The following UNC5C variants were observed in gnomAD, a reference collection of about 807,000 sequenced individuals.
The protein encoded by UNC5C is unc-5 netrin receptor C, also known as netrin receptor UNC5C.
Under a neutral mutation model 99.8 loss-of-function variants are expected in UNC5C, and 47 were observed. The ratio of observed to expected loss-of-function variants is 0.47; its 90% CI spans 0.37 to 0.60. The LOEUF (loss-of-function observed/expected upper bound fraction) is 0.60. UNC5C is among the 20% of genes least tolerant of loss of function. UNC5C has a pLI of 0.00. For missense variants in UNC5C, 1,062 were observed against 1,165.9 expected (o/e 0.91, Z 1.30); for synonymous variants, 487 against 452.2 (o/e 1.08, Z -0.98).
chr4:95,417,179 T>C (rs1746187822), intron 1 of UNC5C, among the ~76,000 whole-genome samples: 1 of 152,176 alleles, frequency 6.6e-6, no homozygotes, highest in South Asian at 2.1e-4. Flanking sequence ...ATGAGTGCCG[T>C]CGGGATCTCT....
intron 1 of UNC5C, among the ~76,000 whole-genome samples, chr4:95,409,987 G>A (rs1364347446): frequency 6.6e-6 from 1 of 152,086 alleles, no homozygotes; most frequent in East Asian, 1.9e-4. Flanking sequence ...TCTCCCAGTG[G>A]GCTGATGGCT....
chr4:95,374,043 A>C (rs1446626476), intron 1 of UNC5C, among the ~76,000 whole-genome samples: 1 of 152,156 alleles, frequency 6.6e-6, no homozygotes, highest in African/African-American at 2.4e-5. Flanking sequence ...ATACCAACAA[A>C]AAACTCGGGG....
At chr4:95,243,379 C>T (rs887045021) in intron 6 of UNC5C, among the ~76,000 whole-genome samples, 3 of 152,128 alleles carry the variant, frequency 2.0e-5, no homozygotes, top group African/African-American at 4.8e-5. Context: ...TAAAAGCACA[C>T]AACTTAAGTC....
chr4:95,353,595 T>C (rs1260973391), intron 1 of UNC5C, among the ~76,000 whole-genome samples: 1 of 151,952 alleles, frequency 6.6e-6, no homozygotes, highest in Non-Finnish European at 1.5e-5. Context: ...TAGGCTAAGA[T>C]AGTGAAGGAG....
intron 1 of UNC5C, among the ~76,000 whole-genome samples, chr4:95,488,670 C>T (rs987380763): frequency 3.3e-5 from 5 of 151,698 alleles, no homozygotes; most frequent in African/African-American, 7.3e-5. Context: ...GTAGCACATG[C>T]CCCTTAGTGG....
At chr4:95,457,024 A>C (rs1747452143) in intron 1 of UNC5C, among the ~76,000 whole-genome samples, 1 of 152,136 alleles carries the variant, frequency 6.6e-6, no homozygotes, top group Non-Finnish European at 1.5e-5. Flanking sequence ...CTTATTAGAT[A>C]CTCTTAAGTG....
At chr4:95,513,560 G>A (rs1243693394) in intron 1 of UNC5C, among the ~76,000 whole-genome samples, 2 of 151,932 alleles carry the variant, frequency 1.3e-5, no homozygotes, top group African/African-American at 4.8e-5. Flanking sequence ...CAAAATTCAA[G>A]CTTAATATAT....
At chr4:95,298,743 G>C (rs1011729828) in intron 3 of UNC5C, among the ~76,000 whole-genome samples, 3 of 151,988 alleles carry the variant, frequency 2.0e-5, no homozygotes, top group Non-Finnish European at 4.4e-5. Flanking sequence ...GCTCCATGAG[G>C]GCAAGGATGG....
chr4:95,267,581 G>C (rs1452165683), intron 4 of UNC5C, among the ~76,000 whole-genome samples: 1 of 152,148 alleles, frequency 6.6e-6, no homozygotes, highest in Non-Finnish European at 1.5e-5. Context: ...AGAAGGTATA[G>C]ACTTTTAATT....
At position 95,255,030 on chromosome 4, in the gene UNC5C, C is replaced by T. The variant is rs189989323; in HGVS notation, c.595-4363G>A. ...TTTTAAGACAAAGTCTCACCGTGTG[C>T]AGTGGTACAATCTCAGCTCACTGCA... On this transcript the variant is annotated intron_variant, in intron 4 of 15. Transcript: ENST00000453304. 1.3e-3 allele frequency among the ~76,000 whole-genome samples: 193 copies of T among 151,840 alleles called. 2 individuals carry two copies. The highest frequency in any genetic ancestry group is 1.9e-3 in the Non-Finnish European group (132 of 67,964).
rs182942129 is a variant in UNC5C, at chr4:95,347,294, G to A, written c.125-11663C>T. 4.1e-3 allele frequency among the ~76,000 whole-genome samples: 624 copies of A among 151,996 alleles called. 8 individuals are homozygous for A. Among genetic ancestry groups the A allele is most frequent in the East Asian group, 7.0e-3 (36 of 5,164 alleles). ...AAAAATGGAAAGATATTCCATGTTC[G>A]TGGGCTGGAAGAACCAACATTGTTA... On this transcript the variant is annotated intron_variant, in intron 1 of 15. Transcript: ENST00000453304.
intron 12 of UNC5C, among the ~76,000 whole-genome samples, chr4:95,190,261 G>A (rs996124470): frequency 4.5e-4 from 65 of 145,238 alleles, no homozygotes; most frequent in African/African-American, 1.4e-3. Flanking sequence ...AACACCACAT[G>A]TTCTCACTCA....
At chr4:95,203,702 G>A (rs552858760) in intron 11 of UNC5C, among the ~76,000 whole-genome samples, 123 of 152,234 alleles carry the variant, frequency 8.1e-4, no homozygotes, top group African/African-American at 2.9e-3. Flanking sequence ...GAGCTGAAGC[G>A]ACCCACTTGC....
intron 1 of UNC5C, among the ~76,000 whole-genome samples, chr4:95,339,066 T>C (rs1266035786): frequency 6.6e-6 from 1 of 152,076 alleles, no homozygotes; most frequent in Non-Finnish European, 1.5e-5. Flanking sequence ...AAAAATGAAA[T>C]TGCATCTTTA....
intron 2 of UNC5C, among the ~76,000 whole-genome samples, chr4:95,312,388 T>C (rs769354783): frequency 6.6e-6 from 1 of 152,198 alleles, no homozygotes; most frequent in Admixed American, 6.5e-5. Context: ...GAATGATCTG[T>C]ACATATATAT....
intron 1 of UNC5C, among the ~76,000 whole-genome samples, chr4:95,462,112 A>T (rs1747620430): frequency 6.6e-6 from 1 of 152,148 alleles, no homozygotes; most frequent in African/African-American, 2.4e-5. Context: ...CGCGTTCAAG[A>T]AAATCCATTG....
intron 1 of UNC5C, among the ~76,000 whole-genome samples, chr4:95,453,963 C>G (rs1045142584): frequency 6.6e-6 from 1 of 151,900 alleles, no homozygotes; most frequent in Admixed American, 6.6e-5. Flanking sequence ...TAGGCAAATC[C>G]ATAGAGACAG....
intron 1 of UNC5C, among the ~76,000 whole-genome samples, chr4:95,480,405 A>G (rs1721102475): frequency 6.6e-6 from 1 of 151,878 alleles, no homozygotes; most frequent in Non-Finnish European, 1.5e-5. Context: ...TAAAAATACT[A>G]GTTGTCATGT....
At chr4:95,355,613 C>G (rs1413461569) in intron 1 of UNC5C, among the ~76,000 whole-genome samples, 1 of 151,184 alleles carries the variant, frequency 6.6e-6, no homozygotes, top group African/African-American at 2.5e-5. Context: ...TGCGCCCCAC[C>G]CCCCCAGCAT....
Sources: gnomAD v4.1 joint callset for allele counts (sites outside exome capture counted in the v4.1 genomes callset) on GRCh38, gnomAD v4.1.1 for gene constraint, MANE v1.5 for transcripts, NCBI Gene and HGNC (gene_info 2026-07-23, HGNC 2026-07-21) for gene names.